SUPT16H: variants seen among roughly 807,000 people sequenced by gnomAD.
The protein encoded by SUPT16H is FACT complex subunit SPT16.
A neutral mutation model predicts 136.2 loss-of-function variants in SUPT16H; 24 were observed. The ratio of observed to expected loss-of-function variants is 0.18; its 90% confidence interval spans 0.13 to 0.25. SUPT16H has a LOEUF of 0.25. SUPT16H is among the 10% of genes least tolerant of loss of function. The probability of loss-of-function intolerance (pLI) is 1.00; values close to 1 mark genes in which losing one functional copy is unlikely to be tolerated. For synonymous variants in SUPT16H, 415 were observed against 428.2 expected, an observed-to-expected ratio of 0.97 and a Z score of 0.38; for missense variants, 623 against 1,270.2, an observed-to-expected ratio of 0.49 and a Z score of 7.74.
At chr14:21,377,076 G>GAAA (rs11323425) in intron 1 of SUPT16H, among the ~76,000 whole-genome samples, 1 of 110,788 alleles carries the variant, frequency 9.0e-6, no homozygotes, top group African/African-American at 3.4e-5. Context: ...GAAAGAAAAA[G>GAAA]AAAAAAAAAA....
chr14:21,353,400 G>A (rs576292580), intron 25 of SUPT16H, 88 bp downstream of exon 25: 27 of 1,289,594 alleles, frequency 2.1e-5, no homozygotes, highest in African/African-American at 4.4e-5. Flanking sequence ...CTTTCATTAC[G>A]CCATCAATAC....
intron 1 of SUPT16H, among the ~76,000 whole-genome samples, chr14:21,379,573 C>T (rs559153450): frequency 7.8e-4 from 119 of 151,950 alleles, no homozygotes; most frequent in Non-Finnish European, 1.3e-3. Context: ...AGTTTCTTGG[C>T]CAGGTGCAGT....
At chr14:21,369,481 TA>T in intron 5 of SUPT16H, 126 bp from the exon 6 acceptor site, 1 of 1,305,366 alleles carries the variant, frequency 7.7e-7, no homozygotes, top group African/African-American at 1.5e-5. Flanking sequence ...ATGCGCCAGG[TA>T]ATATATTGGT....
At chr14:21,363,655 T>A in intron 10 of SUPT16H, 152 bp from the exon 11 acceptor site, 1 of 676,078 alleles carries the variant, frequency 1.5e-6, no homozygotes, top group Non-Finnish European at 2.5e-6. Context: ...ACCTCTAACC[T>A]CTCGTCAGGA....
chr14:21,373,894 A>AT (rs1263485074), intron 1 of SUPT16H, among the ~76,000 whole-genome samples: 3 of 151,980 alleles, frequency 2.0e-5, no homozygotes, highest in East Asian at 3.9e-4. Flanking sequence ...CACCTGGCTA[A>AT]TTTTTTTATT....
At chr14:21,354,275 A>G in intron 23 of SUPT16H, 136 bp downstream of exon 23, 1 of 1,013,904 alleles carries the variant, frequency 9.9e-7, no homozygotes. Context: ...AATTTGAAGA[A>G]ACAATAATAT....
Position 21,358,085 on chromosome 14 carries a change from C to G in SUPT16H, c.2415-83G>C. ...AACAGACAAACTTCTTCCCTCTCCC[C>G]ATTCCAAACAGCTCCAGCATACTCA... On this transcript the variant is annotated intron_variant, in intron 20 of 25. Coordinates refer to ENST00000216297, the MANE Select transcript of SUPT16H (RefSeq NM_007192.4). 9.5e-6 allele frequency: 12 copies of G among 1,263,124 alleles called. No individual in the cohort carries two copies. The South Asian group carries it at 1.5e-4, about 16-fold the overall frequency. 78.2% of individuals were successfully genotyped at this position (1,263,124 alleles called of 1,614,324 possible). A position where few individuals can be genotyped will look rare whatever the true frequency, so the allele number is the denominator to read the frequency against.
intron 5 of SUPT16H, 151 bp from the exon 6 acceptor site, chr14:21,369,506 A>G (rs992066794): frequency 1.3e-5 from 14 of 1,069,866 alleles, no homozygotes; most frequent in Non-Finnish European, 1.6e-5. Flanking sequence ...CAGGCAAAAC[A>G]CATTTGGAGA....
At chr14:21,357,114 A>C (rs1886452034) in intron 22 of SUPT16H, 83 bp downstream of exon 22, 1 of 1,354,612 alleles carries the variant, frequency 7.4e-7, no homozygotes, top group Admixed American at 2.8e-5. Flanking sequence ...ATATCAGTAG[A>C]TTTTATGCAC....
In SUPT16H at chr14:21,353,844, G is replaced by C. The variant is rs767138968; in HGVS notation, c.2791-12C>G. ...TCAGCATCACTCCCCTGGTGAGTTAGAGCATAATACTGATTTTTTTTTGAC... is the reference window on the plus strand; with the variant it reads ...TCAGCATCACTCCCCTGGTGAGTTACAGCATAATACTGATTTTTTTTTGAC... On this transcript the variant is annotated splice_polypyrimidine_tract_variant and intron_variant, in intron 23 of 25. Coordinates refer to ENST00000216297, the MANE Select transcript of SUPT16H (RefSeq NM_007192.4). The C allele has an allele frequency of 3.1e-6, 5 of 1,610,500 alleles. No homozygotes were observed. The highest frequency in any genetic ancestry group is 4.2e-6 in the Non-Finnish European group (5 of 1,178,746).
At chr14:21,354,883 C>T (rs568305088) in intron 22 of SUPT16H, 8 of 190,946 alleles carry the variant, frequency 4.2e-5, no homozygotes, top group East Asian at 1.5e-4. Flanking sequence ...TGAGCCACCG[C>T]GCCCTGCCTG....
In SUPT16H at chr14:21,377,076, G is replaced by GAAAAAAAAAAAAAAAAAA. The variant is rs11323425; in HGVS notation, c.67-3664_67-3647dup. Among the ~76,000 whole-genome samples the GAAAAAAAAAAAAAAAAAA allele has an allele frequency of 3.6e-5, 4 of 110,766 alleles. 1 individual carries two copies. Among genetic ancestry groups the GAAAAAAAAAAAAAAAAAA allele is most frequent in the Non-Finnish European group, 5.5e-5 (3 of 54,750 alleles). 72.7% of individuals were successfully genotyped at this position (110,766 alleles called of 152,430 possible). A position where few individuals can be genotyped will look rare whatever the true frequency, so the allele number is the denominator to read the frequency against. ...TGAGACTGTCTCAAAGAAAGAAAAAGAAAAAAAAAAAAAAAAAAAAGATCA... is the reference window on the plus strand; with the variant it reads ...TGAGACTGTCTCAAAGAAAGAAAAAGAAAAAAAAAAAAAAAAAAAAAAAAAAAAAAAAAAAAAAGATCA... On this transcript the variant is annotated intron_variant, in intron 1 of 25. Coordinates refer to ENST00000216297, the MANE Select transcript of SUPT16H (RefSeq NM_007192.4).
chr14:21,353,413 A>C, intron 25 of SUPT16H, 75 bp downstream of exon 25: 2 of 1,463,036 alleles, frequency 1.4e-6, no homozygotes, highest in Non-Finnish European at 9.5e-7. Context: ...ATCAATACTA[A>C]CACCTCAAAA....
At chr14:21,353,936 C>T in intron 23 of SUPT16H, 104 bp from the exon 24 acceptor site, 1 of 1,125,382 alleles carries the variant, frequency 8.9e-7, no homozygotes, top group South Asian at 2.2e-5. Context: ...ATGAAGAAAA[C>T]AAGAGCAAAA....
Position 21,363,467 on chromosome 14 carries a change from T to G in SUPT16H, c.1270A>C (p.Lys424Gln), listed in dbSNP as rs769101274. 1 of 1,613,920 alleles carries G rather than the reference T, an allele frequency of 6.2e-7. No homozygotes were observed. The highest frequency in any genetic ancestry group is 8.5e-7 in the Non-Finnish European group (1 of 1,179,922). ...AGGAAAATCCCCACATTCTTCACTTTCTTCTTCACAGAAGTGAGAACAGTA... is the reference window on the plus strand; with the variant it reads ...AGGAAAATCCCCACATTCTTCACTTGCTTCTTCACAGAAGTGAGAACAGTA... ...PATVLTSVKK[K>Q]VKNVGIFLKN... Residue 424 changes from lysine (K) to glutamine (Q), a missense_variant, in exon 11 of 26, where the codon AAA becomes CAA. By Grantham distance (53) the Lys-to-Gln change is moderately conservative. This residue lies in a region of SUPT16H where 343 missense variants were observed against 525.7 expected (regional missense o/e 0.65). Transcript: ENST00000216297.
chr14:21,371,250 T>A (rs1886779006), intron 3 of SUPT16H, among the ~76,000 whole-genome samples: 1 of 152,148 alleles, frequency 6.6e-6, no homozygotes, highest in African/African-American at 2.4e-5. Context: ...TAGATATTTT[T>A]ATATACTCAG....
At position 21,359,692 on chromosome 14, in the gene SUPT16H, C is replaced by A; in HGVS notation, c.2176-83G>T. On this transcript the variant is annotated intron_variant, in intron 18 of 25. Coordinates refer to ENST00000216297, the MANE Select transcript of SUPT16H (RefSeq NM_007192.4). The stretch of plus-strand genomic sequence containing the variant: ...GAAATGGCAGTGATCCAAACTTGGG[C>A]CTCCACAGCATGCATGCAAAAATAA... 3.9e-6 allele frequency: 6 copies of A among 1,524,248 alleles called. No homozygotes were observed. The South Asian group carries it at 6.3e-5, about 16-fold the overall frequency. 94.4% of individuals were successfully genotyped at this position (1,524,248 alleles called of 1,614,324 possible). A position where few individuals can be genotyped will look rare whatever the true frequency, so the allele number is the denominator to read the frequency against.
intron 22 of SUPT16H, among the ~76,000 whole-genome samples, chr14:21,355,347 G>A (rs1232940256): frequency 4.6e-5 from 7 of 151,912 alleles, no homozygotes; most frequent in Admixed American, 3.9e-4. Flanking sequence ...CAAAAAATTA[G>A]CCAGGCATGG....
intron 1 of SUPT16H, among the ~76,000 whole-genome samples, chr14:21,375,505 T>C (rs1373356703): frequency 1.8e-5 from 2 of 111,152 alleles, no homozygotes; most frequent in Non-Finnish European, 3.9e-5. Context: ...GCAGACATTT[T>C]CTCCCATTCT....
Sources: gnomAD v4.1 joint callset for allele counts (sites outside exome capture counted in the v4.1 genomes callset) on GRCh38, gnomAD v4.1.1 for gene constraint, gnomAD v4.1.1 regional missense constraint, MANE v1.5 for transcripts, NCBI Gene and HGNC (gene_info 2026-07-23, HGNC 2026-07-21) for gene names.